GFPT1: variants seen among roughly 807,000 people sequenced by gnomAD.
GFPT1 encodes the protein glutamine--fructose-6-phosphate transaminase 1.
A neutral mutation model predicts 92.0 loss-of-function variants in GFPT1; 40 were observed. The observed-to-expected ratio is 0.43, with a 90% confidence interval of 0.34 to 0.57. The LOEUF (loss-of-function observed/expected upper bound fraction) is 0.57. Ranked by LOEUF, GFPT1 falls within the 20% of genes least tolerant of loss-of-function variation. GFPT1 has a pLI of 0.02. For synonymous variants in GFPT1, 269 were observed against 280.6 expected (o/e 0.96, Z 0.41); for missense variants, 448 against 869.1 (o/e 0.52, Z 6.09).
chr2:69,342,733 T>A (rs1412357838), intron 12 of GFPT1, among the ~76,000 whole-genome samples: 1 of 152,232 alleles, frequency 6.6e-6, no homozygotes, highest in Non-Finnish European at 1.5e-5. Flanking sequence ...AACTTAGAGT[T>A]ATACACTAGG....
chr2:69,338,659 G>A, intron 13 of GFPT1, 94 bp from the exon 14 acceptor site: 2 of 1,249,432 alleles, frequency 1.6e-6, no homozygotes, highest in East Asian at 2.4e-5. Flanking sequence ...TGCTTTTTCT[G>A]ATTACAAAAA....
intron 19 of GFPT1, 34 bp downstream of exon 19, chr2:69,326,880 C>T: frequency 6.2e-7 from 1 of 1,609,072 alleles, no homozygotes; most frequent in Non-Finnish European, 8.5e-7. Flanking sequence ...GGTAAAAAAC[C>T]ATCCCAAGAT....
At position 69,378,157 on chromosome 2, in the gene GFPT1, G is replaced by A. The variant is rs553490528; in HGVS notation, c.8-4044C>T. 7.9e-5 allele frequency among the ~76,000 whole-genome samples: 12 copies of A among 152,152 alleles called. No individual in the cohort carries two copies. In the South Asian group the frequency reaches 1.5e-3, roughly 18 times the overall value. ...AGTAGCTGGAATTACAGTGGCCGCC[G>A]CCATGCCCGGCTAATTTTTTGTATT... On this transcript the variant is annotated intron_variant, in intron 1 of 19. Coordinates refer to ENST00000357308, the MANE Select transcript of GFPT1 (RefSeq NM_001244710.2).
intron 15 of GFPT1, among the ~76,000 whole-genome samples, chr2:69,330,008 A>G (rs920777683): frequency 6.6e-6 from 1 of 152,144 alleles, no homozygotes; most frequent in African/African-American, 2.4e-5. Flanking sequence ...GCTTGAGCTT[A>G]GGAGTTCGAG....
chr2:69,350,567 C>T (rs1574062529), intron 9 of GFPT1, among the ~76,000 whole-genome samples: 1 of 151,848 alleles, frequency 6.6e-6, no homozygotes, highest in East Asian at 1.9e-4. Context: ...GTTTGTGTAC[C>T]TATAATTATA....
At chr2:69,368,507 C>T (rs1229254289) in intron 3 of GFPT1, among the ~76,000 whole-genome samples, 1 of 152,058 alleles carries the variant, frequency 6.6e-6, no homozygotes, top group Non-Finnish European at 1.5e-5. Context: ...GCAGGCGAAT[C>T]ACTTGAGGTC....
intron 12 of GFPT1, among the ~76,000 whole-genome samples, chr2:69,345,439 CA>C (rs1558746349): frequency 6.6e-6 from 1 of 152,180 alleles, no homozygotes; most frequent in Non-Finnish European, 1.5e-5. Flanking sequence ...GCAACGGGAC[CA>C]GGTCTTATTC....
rs950984771 is a variant in GFPT1, at chr2:69,320,087, A to C, written c.*6102T>G. ...TTTTTAATGAACTTGCCATAGTGAA[A>C]AACCAATGACAGATGCGACACTGGA... On this transcript the variant is annotated 3_prime_UTR_variant, in exon 20 of 20. Coordinates refer to ENST00000357308, the MANE Select transcript of GFPT1 (RefSeq NM_001244710.2). 16 of 152,366 alleles carry C rather than the reference A, an allele frequency of 1.1e-4. No homozygotes were observed. The highest frequency in any genetic ancestry group is 3.6e-4 in the African/African-American group (15 of 41,586). The allele number at this position is 152,366 out of a possible 1,614,324, so 9.4% of individuals were successfully genotyped here.
At chr2:69,369,189 A>C (rs919202797) in intron 3 of GFPT1, among the ~76,000 whole-genome samples, 1 of 152,108 alleles carries the variant, frequency 6.6e-6, no homozygotes, top group Non-Finnish European at 1.5e-5. Context: ...AGGCAAAATA[A>C]GTATTGATTT....
intron 12 of GFPT1, among the ~76,000 whole-genome samples, chr2:69,343,558 C>A (rs958952057): frequency 6.6e-6 from 1 of 151,890 alleles, no homozygotes; most frequent in Non-Finnish European, 1.5e-5. Context: ...TTACAGGCCG[C>A]GAGCCACCAC....
intron 1 of GFPT1, among the ~76,000 whole-genome samples, chr2:69,384,505 G>A (rs1447286229): frequency 2.0e-5 from 3 of 151,764 alleles, no homozygotes; most frequent in African/African-American, 4.8e-5. Flanking sequence ...ATTACCTGAG[G>A]TCAGCAGACC....
Position 69,337,904 on chromosome 2 carries a change from AC to A in GFPT1, c.1475del (p.Ser492IlefsTer13). On this transcript the variant is annotated frameshift_variant, in exon 15 of 20. Transcript: ENST00000357308. LOFTEE classifies it high-confidence loss of function. The stretch of plus-strand genomic sequence containing the variant: ...AAATGAGTCAAGAATTTACCTTTGT[AC>A]TGGCCACACCAATCTCAGGACCAGC... ...INAGPEIGVA[S>X]TKAYTSQFVS... 6.2e-7 allele frequency: 1 copy of A among 1,613,376 alleles called. No homozygotes were observed.
At chr2:69,348,454 A>G (rs2104636267) in intron 10 of GFPT1, 120 bp from the exon 11 acceptor site, 1 of 841,418 alleles carries the variant, frequency 1.2e-6, no homozygotes, top group South Asian at 1.4e-5. Context: ...GCAGTATCTC[A>G]GAGAATTTTC....
chr2:69,374,383 G>A (rs923956018), intron 1 of GFPT1, among the ~76,000 whole-genome samples: 10 of 150,680 alleles, frequency 6.6e-5, no homozygotes, highest in African/African-American at 2.5e-4. Context: ...GCACGATCTC[G>A]GCTCACGGCA....
intron 10 of GFPT1, among the ~76,000 whole-genome samples, chr2:69,348,838 T>C (rs1445052489): frequency 6.6e-6 from 1 of 152,200 alleles, no homozygotes; most frequent in Non-Finnish European, 1.5e-5. Context: ...TTTGACAGTT[T>C]CCCTTTGGCT....
At position 69,326,145 on chromosome 2, in the gene GFPT1, T is replaced by C. The variant is rs773296453; in HGVS notation, c.*44A>G. The C allele has an allele frequency of 7.8e-7, 1 of 1,281,514 alleles. No individual in the cohort carries two copies. Among genetic ancestry groups the C allele is most frequent in the Non-Finnish European group, 1.1e-6 (1 of 880,178 alleles). The allele number at this position is 1,281,514 out of a possible 1,614,324, so 79.4% of individuals were successfully genotyped here. On this transcript the variant is annotated 3_prime_UTR_variant, in exon 20 of 20. Transcript: ENST00000357308. ...GGTTTTAAATACAAAAGGTGTCTTG[T>C]GTTGCTTAATCATACAGTTTCGTAC...
chr2:69,358,013 T>C (rs901999668), intron 6 of GFPT1, among the ~76,000 whole-genome samples: 1 of 152,218 alleles, frequency 6.6e-6, no homozygotes, highest in African/African-American at 2.4e-5. Flanking sequence ...TCCTCCATCG[T>C]GTGTACTGTG....
intron 3 of GFPT1, among the ~76,000 whole-genome samples, chr2:69,366,148 A>C (rs1029178625): frequency 6.6e-6 from 1 of 152,176 alleles, no homozygotes; most frequent in African/African-American, 2.4e-5. Flanking sequence ...CTATAATTAA[A>C]GCAGTATCTC....
At chr2:69,331,988 A>T (rs1401762377) in intron 15 of GFPT1, among the ~76,000 whole-genome samples, 2 of 152,216 alleles carry the variant, frequency 1.3e-5, no homozygotes, top group African/African-American at 4.8e-5. Flanking sequence ...TTTTAGACTC[A>T]GATAACTCTT....
Sources: allele counts gnomAD v4.1 joint callset (sites outside exome capture counted in the v4.1 genomes callset), GRCh38; gene constraint gnomAD v4.1.1; transcripts MANE v1.5; gene names NCBI Gene and HGNC (gene_info 2026-07-23, HGNC 2026-07-21).